ZFP82: variants seen among roughly 807,000 people sequenced by gnomAD.
The protein encoded by ZFP82 is ZFP82 zinc finger protein.
In ZFP82, 30 loss-of-function variants were observed where a neutral mutation model predicts 54.0. The ratio of observed to expected loss-of-function variants is 0.56; its 90% CI spans 0.42 to 0.75. The LOEUF (loss-of-function observed/expected upper bound fraction) is 0.75, where lower values mean the gene tolerates loss of function less well. Ranked by LOEUF, ZFP82 falls within the 30% of genes least tolerant of loss-of-function variation. The probability of loss-of-function intolerance (pLI) is 0.00; values close to 1 mark genes in which losing one functional copy is unlikely to be tolerated. For missense variants in ZFP82, 500 were observed against 636.8 expected (o/e 0.79, Z 2.31); for synonymous variants, 194 against 209.5 (o/e 0.93, Z 0.64).
chr19:36,417,885 G>A (rs184414832), intron 1 of ZFP82, among the ~76,000 whole-genome samples: 63 of 152,244 alleles, frequency 4.1e-4, no homozygotes, highest in Non-Finnish European at 7.8e-4. Context: ...AGCCTGGGCG[G>A]GAGCGGGGGC....
chr19:36,394,295 A>G, intron 4 of ZFP82, 185 bp from the exon 5 acceptor site: 1 of 583,418 alleles, frequency 1.7e-6, no homozygotes, highest in Non-Finnish European at 2.9e-6. Context: ...CATACAAAAT[A>G]GCAAGATTGG....
chr19:36,404,377 G>A (rs1181275541), intron 4 of ZFP82, among the ~76,000 whole-genome samples: 3 of 152,054 alleles, frequency 2.0e-5, no homozygotes, highest in Non-Finnish European at 2.9e-5. Flanking sequence ...AGACCCTTTT[G>A]CTTACTTCAT....
downstream of ZFP82, chr19:36,383,836 C>T (rs1282364767): frequency 1.4e-4 from 21 of 152,012 alleles, no homozygotes; most frequent in Admixed American, 1.4e-3. Context: ...TTTTAAGAAT[C>T]TTATAATTCT....
At chr19:36,408,077 A>G in intron 2 of ZFP82, 64 bp from the exon 3 acceptor site, 1 of 1,567,632 alleles carries the variant, frequency 6.4e-7, no homozygotes, top group Non-Finnish European at 8.7e-7. Flanking sequence ...GTAGAAGGAG[A>G]AAAGAAGGAA....
intron 3 of ZFP82, among the ~76,000 whole-genome samples, chr19:36,407,578 A>C (rs1032367052): frequency 2.1e-5 from 3 of 142,064 alleles, no homozygotes; most frequent in South Asian, 4.5e-4. Flanking sequence ...AAGCAACAAA[A>C]CATCTAAAGC....
chr19:36,384,326 A>T (rs534084358), downstream of ZFP82: 2 of 152,336 alleles, frequency 1.3e-5, no homozygotes, highest in Non-Finnish European at 2.9e-5. Context: ...AAAAGCAAGC[A>T]GCTGGTTACA....
chr19:36,410,752 C>T (rs529240634), intron 1 of ZFP82, among the ~76,000 whole-genome samples: 31 of 152,134 alleles, frequency 2.0e-4, no homozygotes, highest in South Asian at 1.9e-3. Context: ...CCGCCCGCCT[C>T]GGCATCCCAA....
intron 1 of ZFP82, among the ~76,000 whole-genome samples, chr19:36,417,687 T>C (rs547859923): frequency 1.3e-5 from 2 of 152,262 alleles, no homozygotes; most frequent in Non-Finnish European, 2.9e-5. Flanking sequence ...GATGGTGTTG[T>C]TAACTCTTCC....
chr19:36,406,563 A>C (rs917909420), intron 3 of ZFP82, among the ~76,000 whole-genome samples: 3 of 152,232 alleles, frequency 2.0e-5, no homozygotes, highest in Non-Finnish European at 4.4e-5. Flanking sequence ...GCATGCTATA[A>C]CATGTATCAG....
chr19:36,408,357 T>A (rs1169767794), intron 2 of ZFP82, among the ~76,000 whole-genome samples: 1 of 152,208 alleles, frequency 6.6e-6, no homozygotes, highest in African/African-American at 2.4e-5. Context: ...CCAAGGAAGG[T>A]GAGTTCTTCC....
rs79431728 is a variant in ZFP82 at position 36,412,221 on chromosome 19, C to G, written c.-78-2354G>C. On this transcript the variant is annotated intron_variant, in intron 1 of 4. Coordinates refer to ENST00000392161, the MANE Select transcript of ZFP82 (RefSeq NM_133466.4). ...ATTATTAGGACATCTGTAAAGTATA[C>G]ATGCAAATCAGCACAAAGAAACACT... 2.2e-3 allele frequency among the ~76,000 whole-genome samples: 336 copies of G among 152,270 alleles called. 10 individuals are homozygous for G. In the East Asian group the frequency reaches 0.054, roughly 24 times the overall value.
downstream of ZFP82, among the ~76,000 whole-genome samples, chr19:36,388,278 T>C (rs1374431232): frequency 6.6e-6 from 1 of 152,186 alleles, no homozygotes; most frequent in Non-Finnish European, 1.5e-5. Flanking sequence ...GGCCCACATT[T>C]TGCTTTTTAG....
chr19:36,398,874 T>C lies in ZFP82; in HGVS notation c.230-4764A>G, dbSNP rs149475978. On this transcript the variant is annotated intron_variant, in intron 4 of 4. Coordinates refer to ENST00000392161, the MANE Select transcript of ZFP82 (RefSeq NM_133466.4). ...CTTCCCTAAATGATAAAGTATATAT[T>C]ATCTTACCAAAAAGGCAGCTTGCCT... Among the ~76,000 whole-genome samples the C allele has an allele frequency of 6.6e-5, 10 of 152,286 alleles. No individual in the cohort carries two copies. In the East Asian group the frequency reaches 1.9e-3, roughly 29 times the overall value.
At chr19:36,385,600 A>C (rs1416207111), downstream of ZFP82, among the ~76,000 whole-genome samples, 3 of 152,218 alleles carry the variant, frequency 2.0e-5, no homozygotes, top group Non-Finnish European at 2.9e-5. Context: ...CTGTATGGAA[A>C]GTCTGAAACT....
At chr19:36,403,622 GAA>G (rs369237432) in intron 4 of ZFP82, among the ~76,000 whole-genome samples, 1 of 131,682 alleles carries the variant, frequency 7.6e-6, no homozygotes, top group Admixed American at 8.1e-5. Context: ...TCCGTCGCAA[GAA>G]AAAAAAAAAA....
At position 36,396,994 on chromosome 19, in the gene ZFP82, ATAAAAT is replaced by A. The variant is rs1776322025; in HGVS notation, c.230-2890_230-2885del. ...TAAAAGTCTCATTCAAAAAAAGAAA[ATAAAAT>A]TAAGCTGAAGTAAAGCAGAAGAAAA... On this transcript the variant is annotated intron_variant, in intron 4 of 4. Transcript: ENST00000392161. Among the ~76,000 whole-genome samples the A allele has an allele frequency of 2.0e-5, 3 of 152,194 alleles. No individual in the cohort carries two copies. In the South Asian group the frequency reaches 6.2e-4, roughly 32 times the overall value.
intron 1 of ZFP82, 37 bp from the exon 2 acceptor site, chr19:36,409,904 A>G (rs2032548655): frequency 2.8e-6 from 3 of 1,083,888 alleles, no homozygotes; most frequent in African/African-American, 3.2e-5. Context: ...GATCAGATGG[A>G]CCTCAGAAAT....
In ZFP82 at chr19:36,390,524, A is replaced by C. The variant is rs932668337; in HGVS notation, c.*2217T>G. The C allele has an allele frequency of 1.3e-5, 2 of 152,090 alleles. No individual in the cohort carries two copies. Among genetic ancestry groups the C allele is most frequent in the Non-Finnish European group, 2.9e-5 (2 of 68,020 alleles). 9.4% of individuals were successfully genotyped at this position (152,090 alleles called of 1,614,324 possible). A position where few individuals can be genotyped will look rare whatever the true frequency, so the allele number is the denominator to read the frequency against. On this transcript the variant is annotated 3_prime_UTR_variant, in exon 5 of 5. Coordinates refer to ENST00000392161, the MANE Select transcript of ZFP82 (RefSeq NM_133466.4). ...CTTCTCAGTTTTGGGGGAGCCAAGAAAACTTCACAGGTGTCCACTGTGTGT... is the reference window on the plus strand; with the variant it reads ...CTTCTCAGTTTTGGGGGAGCCAAGACAACTTCACAGGTGTCCACTGTGTGT...
At chr19:36,399,829 CA>C (rs1441995033) in intron 4 of ZFP82, among the ~76,000 whole-genome samples, 2 of 152,014 alleles carry the variant, frequency 1.3e-5, no homozygotes, top group Admixed American at 1.3e-4. Context: ...TGAAAGAAAA[CA>C]TAACAATCAA....
Sources: gnomAD v4.1 joint callset for allele counts (sites outside exome capture counted in the v4.1 genomes callset) on GRCh38, gnomAD v4.1.1 for gene constraint, MANE v1.5 for transcripts, NCBI Gene and HGNC (gene_info 2026-07-23, HGNC 2026-07-21) for gene names.